The following CDH18 variants were observed in gnomAD, a reference collection of about 807,000 sequenced individuals.
CDH18 encodes cadherin 18.
Under a neutral mutation model 67.9 loss-of-function variants are expected in CDH18, and 31 were observed. The observed-to-expected ratio is 0.46, with a 90% CI of 0.34 to 0.62. CDH18 has a LOEUF of 0.62. Ranked by LOEUF, CDH18 falls within the 20% of genes least tolerant of loss-of-function variation. The pLI is 0.01. For missense variants in CDH18, 890 were observed against 975.5 expected, an observed-to-expected ratio of 0.91 and a Z score of 1.17; for synonymous variants, 362 against 347.2, an observed-to-expected ratio of 1.04 and a Z score of -0.48.
upstream of CDH18, chr5:19,988,305 C>G (rs1296712170): frequency 6.5e-6 from 1 of 153,070 alleles, no homozygotes; most frequent in Non-Finnish European, 1.5e-5. Context: ...GCTGCGCTCT[C>G]CCGGTCTCTC....
chr5:20,561,017 T>C (rs1037412211), intron 1 of CDH18, among the ~76,000 whole-genome samples: 16 of 152,088 alleles, frequency 1.1e-4, no homozygotes, highest in Non-Finnish European at 2.2e-4. Context: ...ATGTTCCATA[T>C]CATATATCAT....
At chr5:19,674,999 T>C (rs1414275291) in intron 5 of CDH18, among the ~76,000 whole-genome samples, 1 of 151,862 alleles carries the variant, frequency 6.6e-6, no homozygotes, top group Non-Finnish European at 1.5e-5. Context: ...GTCTGAGAAA[T>C]AAAGGGAAAG....
chr5:20,280,752 T>G (rs1746192999), intron 1 of CDH18, among the ~76,000 whole-genome samples: 1 of 152,198 alleles, frequency 6.6e-6, no homozygotes, highest in African/African-American at 2.4e-5. Context: ...CAAATGGTAT[T>G]TCTAGTTCTA....
In CDH18 at chr5:20,331,377, T is replaced by G. The variant is rs1739164583; in HGVS notation, c.-579-75872A>C. ...TTAGGTCCCTCCAAGACTTCGCTTC[T>G]CACCATGATTCTGACATTGATATGA... On this transcript the variant is annotated intron_variant, in intron 1 of 14. Transcript: ENST00000507958. The G allele has an allele frequency of 2.0e-5, 3 of 152,314 alleles. No homozygotes were observed. In the South Asian group the frequency reaches 6.2e-4, roughly 32 times the overall value. 9.4% of individuals were successfully genotyped at this position (152,314 alleles called of 1,614,324 possible).
rs917619193 is a variant in CDH18, at chr5:20,422,773, G to T, written c.-580+152689C>A. 1.2e-4 allele frequency among the ~76,000 whole-genome samples: 18 copies of T among 151,052 alleles called. 1 individual carries two copies. The highest frequency in any genetic ancestry group is 4.5e-4 in the African/African-American group (18 of 40,398). ...AGCAACTTCCCAGAATGGACAAAAGGTAACTTTAAGTGTTTATAGAGAGAA... is the reference window on the plus strand; with the variant it reads ...AGCAACTTCCCAGAATGGACAAAAGTTAACTTTAAGTGTTTATAGAGAGAA... On this transcript the variant is annotated intron_variant, in intron 1 of 14. Transcript: ENST00000507958.
intron 2 of CDH18, among the ~76,000 whole-genome samples, chr5:19,840,054 C>T (rs1259557617): frequency 6.7e-6 from 1 of 149,890 alleles, no homozygotes; most frequent in Non-Finnish European, 1.5e-5. Flanking sequence ...GCAAGGAGAT[C>T]AAGACCATTC....
chr5:19,947,431 G>T (rs181583920), intron 2 of CDH18, among the ~76,000 whole-genome samples: 505 of 151,788 alleles, frequency 3.3e-3, no homozygotes, highest in Non-Finnish European at 4.6e-3. Context: ...TAGAAAAAAA[G>T]AATAAACTTG....
intron 2 of CDH18, among the ~76,000 whole-genome samples, chr5:20,108,604 G>C (rs578039230): frequency 1.3e-5 from 2 of 151,692 alleles, no homozygotes. Flanking sequence ...GTGTCACCTC[G>C]TGTCTTTCAT....
At chr5:19,915,113 G>GAAATATATTAAATATATT (rs1791609295) in intron 2 of CDH18, among the ~76,000 whole-genome samples, 2 of 152,082 alleles carry the variant, frequency 1.3e-5, no homozygotes, top group Non-Finnish European at 2.9e-5. Context: ...TTTCTTTTAA[G>GAAATATATTAAATATATT]AAATATATTA....
chr5:20,157,774 C>A (rs949079661), intron 2 of CDH18, among the ~76,000 whole-genome samples: 1 of 151,580 alleles, frequency 6.6e-6, no homozygotes, highest in Non-Finnish European at 1.5e-5. Flanking sequence ...TCCTGAGTAG[C>A]GGGACTACAG....
chr5:20,547,992 T>C (rs1402496511), intron 1 of CDH18, among the ~76,000 whole-genome samples: 2 of 151,766 alleles, frequency 1.3e-5, no homozygotes, highest in African/African-American at 2.4e-5. Flanking sequence ...TACTGCAAAA[T>C]AGATTTGTAT....
At chr5:20,563,920 G>C (rs960922019) in intron 1 of CDH18, among the ~76,000 whole-genome samples, 1 of 152,078 alleles carries the variant, frequency 6.6e-6, no homozygotes, top group South Asian at 2.1e-4. Flanking sequence ...AAGCCTATGT[G>C]TGATATATTT....
At chr5:19,939,350 T>TA (rs950565908) in intron 2 of CDH18, among the ~76,000 whole-genome samples, 12 of 151,460 alleles carry the variant, frequency 7.9e-5, no homozygotes, top group Non-Finnish European at 1.8e-4. Context: ...TGAAATTCAA[T>TA]AAAAAAAATT....
chr5:20,063,973 T>A (rs191167358), intron 2 of CDH18, among the ~76,000 whole-genome samples: 4 of 152,302 alleles, frequency 2.6e-5, no homozygotes, highest in African/African-American at 9.6e-5. Context: ...CAATAAATAT[T>A]CACAATGAAC....
intron 3 of CDH18, among the ~76,000 whole-genome samples, chr5:19,785,424 G>A (rs550449384): frequency 2.1e-4 from 32 of 150,786 alleles, no homozygotes; most frequent in African/African-American, 7.3e-4. Context: ...AGGCCGAGGC[G>A]GGCAGATCAC....
At chr5:20,448,279 T>C (rs1750164888) in intron 1 of CDH18, among the ~76,000 whole-genome samples, 1 of 145,964 alleles carries the variant, frequency 6.9e-6, no homozygotes, top group Middle Eastern at 3.2e-3. Flanking sequence ...TGTGCCACAT[T>C]TTCTTTTTTT....
intron 1 of CDH18, among the ~76,000 whole-genome samples, chr5:20,474,703 A>G (rs1752317167): frequency 1.3e-5 from 2 of 152,200 alleles, no homozygotes; most frequent in East Asian, 3.9e-4. Flanking sequence ...GGCAGCCGCT[A>G]TGGAGACTCC....
chr5:20,313,744 T>G (rs1463955168), intron 1 of CDH18, among the ~76,000 whole-genome samples: 3 of 152,064 alleles, frequency 2.0e-5, no homozygotes, highest in African/African-American at 4.8e-5. Context: ...TCTGTGTGTG[T>G]GGGTGTATAT....
intron 5 of CDH18, among the ~76,000 whole-genome samples, chr5:19,698,353 C>T (rs923464459): frequency 6.6e-6 from 1 of 151,974 alleles, no homozygotes; most frequent in Non-Finnish European, 1.5e-5. Flanking sequence ...CCATATGTTA[C>T]AATTTAATAA....
Sources: allele counts gnomAD v4.1 joint callset (sites outside exome capture counted in the v4.1 genomes callset), GRCh38; gene constraint gnomAD v4.1.1; transcripts MANE v1.5; gene names NCBI Gene and HGNC (gene_info 2026-07-23, HGNC 2026-07-21).